The following PRELID2 variants were observed in gnomAD, a reference collection of about 807,000 sequenced individuals.
PRELID2 encodes PRELI domain containing 2, also known as PRELI domain-containing protein 2.
Under a neutral mutation model 28.4 loss-of-function variants are expected in PRELID2, and 25 were observed. The ratio of observed to expected loss-of-function variants is 0.88; its 90% confidence interval spans 0.64 to 1.23. The LOEUF (loss-of-function observed/expected upper bound fraction) is 1.23, where lower values mean the gene tolerates loss of function less well. Ranked by LOEUF, PRELID2 falls within the 50% of genes most tolerant of loss-of-function variation. The probability of loss-of-function intolerance (pLI) is 0.00; values close to 1 mark genes in which losing one functional copy is unlikely to be tolerated. For synonymous variants in PRELID2, 76 were observed against 71.6 expected (o/e 1.06, Z -0.31); for missense variants, 201 against 214.4 (o/e 0.94, Z 0.39).
intron 1 of PRELID2, among the ~76,000 whole-genome samples, chr5:145,751,093 T>C (rs1757111998): frequency 6.6e-6 from 1 of 152,188 alleles, no homozygotes; most frequent in African/African-American, 2.4e-5. Context: ...GGAAACAGCG[T>C]TTCCCAAACA....
the PRELID2 span, among the ~76,000 whole-genome samples, chr5:145,393,243 G>A: frequency 1.3e-5 from 2 of 152,138 alleles, no homozygotes; most frequent in African/African-American, 2.4e-5. Context: ...ACACCATGAG[G>A]AGCCATGTGT....
intron 1 of PRELID2, among the ~76,000 whole-genome samples, chr5:145,542,748 A>AATTTCTTTCTTTCTTTCTTTCTTT (rs1458497311): frequency 1.0e-5 from 1 of 98,328 alleles, no homozygotes; most frequent in East Asian, 5.2e-4. Flanking sequence ...TATACATTGT[A>AATTTCTTTCTTTCTTTCTTTCTTT]ATTTCTTTCT....
the PRELID2 span, among the ~76,000 whole-genome samples, chr5:145,319,544 G>A: frequency 2.1e-4 from 32 of 152,014 alleles, no homozygotes; most frequent in African/African-American, 6.5e-4. Flanking sequence ...GGTGATGGGC[G>A]CCTGTAGTCC....
intron 1 of PRELID2, among the ~76,000 whole-genome samples, chr5:145,570,413 C>T (rs894685485): frequency 6.6e-6 from 1 of 150,894 alleles, no homozygotes; most frequent in African/African-American, 2.5e-5. Flanking sequence ...TTTGTCCTCT[C>T]ATTTATGAAA....
intron 1 of PRELID2, among the ~76,000 whole-genome samples, chr5:145,630,832 A>G (rs1753923092): frequency 6.6e-6 from 1 of 152,200 alleles, no homozygotes; most frequent in Non-Finnish European, 1.5e-5. Flanking sequence ...TGGCATTCTC[A>G]TTATTCCTGT....
chr5:145,578,898 T>C (rs1193140893), intron 1 of PRELID2, among the ~76,000 whole-genome samples: 3 of 152,094 alleles, frequency 2.0e-5, no homozygotes, highest in African/African-American at 7.2e-5. Context: ...ATTATGAACT[T>C]TGAACAGTTT....
intron 5 of PRELID2, among the ~76,000 whole-genome samples, chr5:145,791,369 T>TAC (rs574337473): frequency 1.4e-3 from 219 of 152,204 alleles, no homozygotes; most frequent in African/African-American, 5.1e-3. Context: ...ATGTGATATA[T>TAC]ACAAACAAGG....
intron 4 of PRELID2, among the ~76,000 whole-genome samples, chr5:145,804,464 C>T (rs1402533727): frequency 3.9e-5 from 6 of 152,100 alleles, no homozygotes; most frequent in Non-Finnish European, 7.4e-5. Flanking sequence ...GAGCCGAGAT[C>T]ACGCCATTGC....
chr5:145,438,074 G>A, the PRELID2 span, among the ~76,000 whole-genome samples: 1 of 151,984 alleles, frequency 6.6e-6, no homozygotes, highest in African/African-American at 2.4e-5. Context: ...TTCCTCACCT[G>A]AGCCAGGAAG....
At chr5:145,536,149 C>G (rs764016971) in intron 1 of PRELID2, among the ~76,000 whole-genome samples, 10 of 152,000 alleles carry the variant, frequency 6.6e-5, no homozygotes, top group East Asian at 5.8e-4. Context: ...CTCTCCATTA[C>G]TCTGTTAAGG....
chr5:145,537,389 G>T (rs2047719788), intron 1 of PRELID2, among the ~76,000 whole-genome samples: 1 of 151,846 alleles, frequency 6.6e-6, no homozygotes, highest in African/African-American at 2.4e-5. Context: ...ATATTTTCGG[G>T]AACCTCCACG....
At chr5:145,770,827 G>A (rs1427676136) in intron 5 of PRELID2, among the ~76,000 whole-genome samples, 2 of 152,184 alleles carry the variant, frequency 1.3e-5, no homozygotes, top group Admixed American at 1.3e-4. Context: ...TGTGCAATGT[G>A]TTTGCGTTTT....
chr5:145,389,375 C>T, the PRELID2 span, among the ~76,000 whole-genome samples: 2 of 152,142 alleles, frequency 1.3e-5, no homozygotes, highest in African/African-American at 2.4e-5. Flanking sequence ...GGCAACTCAT[C>T]ACCTGACACA....
At chr5:145,433,978 T>G in the PRELID2 span, among the ~76,000 whole-genome samples, 2 of 152,188 alleles carry the variant, frequency 1.3e-5, no homozygotes, top group Admixed American at 6.6e-5. Context: ...CTCAGGATGT[T>G]GACTCCCACA....
intron 1 of PRELID2, among the ~76,000 whole-genome samples, chr5:145,573,955 C>A (rs1396479713): frequency 1.3e-5 from 2 of 152,154 alleles, no homozygotes; most frequent in Admixed American, 6.5e-5. Context: ...CCAGAGATGT[C>A]TTTTCTCCCT....
the PRELID2 span, among the ~76,000 whole-genome samples, chr5:145,412,403 C>A: frequency 3.3e-5 from 5 of 152,158 alleles, no homozygotes; most frequent in Admixed American, 3.3e-4. Context: ...CTTTGCATAG[C>A]AAGAATAGCC....
chr5:145,541,248 C>T (rs942842225), intron 1 of PRELID2, among the ~76,000 whole-genome samples: 3 of 152,016 alleles, frequency 2.0e-5, no homozygotes, highest in Non-Finnish European at 2.9e-5. Context: ...GTGTATGTTG[C>T]TATAAGATTA....
intron 1 of PRELID2, among the ~76,000 whole-genome samples, chr5:145,507,131 T>C (rs2126638071): frequency 6.6e-6 from 1 of 152,336 alleles, no homozygotes; most frequent in East Asian, 1.9e-4. Context: ...TGCATTCTTA[T>C]GTACACTTGC....
At chr5:145,342,706 AT>A in the PRELID2 span, among the ~76,000 whole-genome samples, 131 of 146,790 alleles carry the variant, frequency 8.9e-4, no homozygotes, top group African/African-American at 2.1e-3. Context: ...TGGGGGTGTC[AT>A]TTTTTTTTTG....
Sources: allele counts gnomAD v4.1 joint callset (sites outside exome capture counted in the v4.1 genomes callset), GRCh38; gene constraint gnomAD v4.1.1; transcripts MANE v1.5; gene names NCBI Gene and HGNC (gene_info 2026-07-23, HGNC 2026-07-21).